The following SART1 variants were observed in gnomAD, a reference collection of about 807,000 sequenced individuals.
SART1 encodes spliceosome associated factor 1, recruiter of U4/U6.U5 tri-snRNP, also known as U4/U6.U5 tri-snRNP-associated protein 1.
In SART1, 28 loss-of-function variants were observed where a neutral mutation model predicts 105.0. The ratio of observed to expected loss-of-function variants is 0.27; its 90% CI spans 0.20 to 0.37. SART1 has a LOEUF of 0.37. SART1 is among the 10% of genes least tolerant of loss of function. SART1 has a pLI of 1.00. For synonymous variants in SART1, 472 were observed against 462.9 expected (o/e 1.02, Z -0.25); for missense variants, 894 against 1,106.5 (o/e 0.81, Z 2.72).
intron 12 of SART1, among the ~76,000 whole-genome samples, chr11:65,973,322 GACAAA>G (rs1855419432): frequency 6.6e-6 from 1 of 151,680 alleles, no homozygotes; most frequent in South Asian, 2.1e-4. Flanking sequence ...TATACAAACA[GACAAA>G]ACAAATCAAC....
At chr11:65,974,450 G>C (rs1023419893) in intron 12 of SART1, among the ~76,000 whole-genome samples, 4 of 151,764 alleles carry the variant, frequency 2.6e-5, no homozygotes, top group African/African-American at 9.7e-5. Flanking sequence ...GGAGGCTGAG[G>C]TGAGTGGATC....
At chr11:65,967,200 C>T (rs1444478567) in intron 9 of SART1, 59 bp from the exon 10 acceptor site, 4 of 1,593,618 alleles carry the variant, frequency 2.5e-6, no homozygotes, top group African/African-American at 1.3e-5. Context: ...CCCTCGAGGG[C>T]TTGTGGCGAC....
chr11:65,969,594 C>A (rs1157641161), intron 12 of SART1, among the ~76,000 whole-genome samples: 2 of 152,120 alleles, frequency 1.3e-5, no homozygotes, highest in East Asian at 3.9e-4. Context: ...AGACTACAGG[C>A]GTGCGCCTGT....
At chr11:65,962,126 C>CCGGGGGGGGGGGGGGGGTG in intron 1 of SART1, 33 bp downstream of exon 1, 1 of 25,830 alleles carries the variant, frequency 3.9e-5, no homozygotes, top group Non-Finnish European at 6.4e-5. Flanking sequence ...GGGGGCGGGT[C>CCGGGGGGGGGGGGGGGGTG]GGGCGGGGGT....
At chr11:65,964,435 T>G (rs1243354523) in intron 2 of SART1, 80 bp from the exon 3 acceptor site, 1 of 1,538,456 alleles carries the variant, frequency 6.5e-7, no homozygotes, top group Admixed American at 1.7e-5. Context: ...CCCACCCTGT[T>G]TCTCCTCTTG....
chr11:65,962,405 G>A (rs1005354459), intron 1 of SART1, among the ~76,000 whole-genome samples: 1 of 152,182 alleles, frequency 6.6e-6, no homozygotes, highest in Admixed American at 6.5e-5. Flanking sequence ...AGGACAGAGG[G>A]CTTCTGTTTT....
intron 3 of SART1, 101 bp from the exon 4 acceptor site, chr11:65,964,991 C>G: frequency 2.1e-6 from 3 of 1,427,144 alleles, no homozygotes; most frequent in South Asian, 3.0e-5. Context: ...TGTCCTGACC[C>G]CTTCTGGCCC....
rs1041177791 is a variant in SART1 at position 65,965,943 on chromosome 11, C to T, written c.795C>T (p.Ser265=). Residue 265 remains serine, a synonymous_variant, in exon 7 of 20, where the codon TCC becomes TCT. Transcript: ENST00000312397. ...QGLTVEHAID[S]FREGETMILT... is the part of the protein sequence containing the mutation. ...TCACCGTGGAGCATGCCATTGATTC[C>T]TTCCGAGAAGGGGAGACAATGATTC... 1.9e-6 allele frequency: 3 copies of T among 1,614,010 alleles called. No individual in the cohort carries two copies. Among genetic ancestry groups the T allele is most frequent in the Non-Finnish European group, 1.7e-6 (2 of 1,180,046 alleles).
In SART1 at chr11:65,974,391, AC is replaced by A. The variant is rs1195935662; in HGVS notation, c.1573-2002del. Among the ~76,000 whole-genome samples, 63 of 146,138 alleles carry A rather than the reference AC, an allele frequency of 4.3e-4. 6 individuals are homozygous for A. Among genetic ancestry groups the A allele is most frequent in the Middle Eastern group, 3.4e-3 (1 of 294 alleles). On this transcript the variant is annotated intron_variant, in intron 12 of 19. Coordinates refer to ENST00000312397, the MANE Select transcript of SART1 (RefSeq NM_005146.5). ...TGTCTCAAAAAAAAAAAAAAAAAAA[AC>A]CATATCAGCCGGGTGTGGTGGTTCA...
chr11:65,963,607 G>A (rs530668857), intron 1 of SART1, among the ~76,000 whole-genome samples: 33 of 152,060 alleles, frequency 2.2e-4, no homozygotes, highest in Middle Eastern at 3.4e-3. Flanking sequence ...TCAGCCTCCC[G>A]AGTATCTGGG....
chr11:65,969,819 C>T (rs1855337985), intron 12 of SART1, among the ~76,000 whole-genome samples: 2 of 152,182 alleles, frequency 1.3e-5, no homozygotes, highest in African/African-American at 4.8e-5. Flanking sequence ...ATGTCCCGGG[C>T]TCAAGCAATT....
chr11:65,979,075 A>G lies in SART1; in HGVS notation c.*45A>G. ...CCCTGCCTCAACCTTCATATTAAAT[A>G]AAGCTCCCTCCTTATTTTTTCCTCC... On this transcript the variant is annotated 3_prime_UTR_variant, in exon 20 of 20. Coordinates refer to ENST00000312397, the MANE Select transcript of SART1 (RefSeq NM_005146.5). 1.2e-6 allele frequency: 2 copies of G among 1,613,128 alleles called. No individual in the cohort carries two copies. Among genetic ancestry groups the G allele is most frequent in the Non-Finnish European group, 1.7e-6 (2 of 1,179,180 alleles).
rs1428238152 is a variant in SART1 at position 65,978,103 on chromosome 11, A to AGTCTCTT, written c.2172+205_2172+211dup. On this transcript the variant is annotated intron_variant, in intron 17 of 19. Coordinates refer to ENST00000312397, the MANE Select transcript of SART1 (RefSeq NM_005146.5). The surrounding 1 kb of genome is among the most constrained non-coding windows in gnomAD (Gnocchi z 6.8). ...TCAGTTTGTCTCTAGTGGGCACAGC[A>AGTCTCTT]GTCTCTTTGCAAGCCTGGCAGGAGG... The AGTCTCTT allele has an allele frequency of 1.6e-6, 1 of 606,192 alleles. No homozygotes were observed. The allele number at this position is 606,192 out of a possible 1,614,324, so 37.6% of individuals were successfully genotyped here.
chr11:65,970,254 A>G (rs917088843), intron 12 of SART1, among the ~76,000 whole-genome samples: 1 of 152,168 alleles, frequency 6.6e-6, no homozygotes, highest in Non-Finnish European at 1.5e-5. Context: ...CTTCTCCCGC[A>G]TAGCCACACT....
In SART1 at chr11:65,978,483, C is replaced by A; in HGVS notation, c.2173-117C>A. The A allele has an allele frequency of 1.0e-6, 1 of 987,190 alleles. No homozygotes were observed. Among genetic ancestry groups the A allele is most frequent in the Non-Finnish European group, 1.5e-6 (1 of 647,280 alleles). 61.2% of individuals were successfully genotyped at this position (987,190 alleles called of 1,614,324 possible). A position where few individuals can be genotyped will look rare whatever the true frequency, so the allele number is the denominator to read the frequency against. Reference sequence around the variant, plus strand: ...TTTTCCCATCCCCTTCCCACTGCACCCCAGGCCTGGCATTGGGGTCAATCA... The same window carrying A: ...TTTTCCCATCCCCTTCCCACTGCACACCAGGCCTGGCATTGGGGTCAATCA... On this transcript the variant is annotated intron_variant, in intron 17 of 19. Transcript: ENST00000312397. This position sits in a 1 kb window ranked among gnomAD's most constrained non-coding sequence, Gnocchi z 6.8.
At position 65,977,914 on chromosome 11, in the gene SART1, T is replaced by C. The variant is rs1855517162; in HGVS notation, c.2172+15T>C. 6.3e-7 allele frequency: 1 copy of C among 1,593,888 alleles called. No individual in the cohort carries two copies. Among genetic ancestry groups the C allele is most frequent in the Admixed American group, 1.8e-5 (1 of 54,676 alleles). ...CACCCAAGGAGGTGAGCAGGGCCTT[T>C]TGCAGGCGGAGGCCCGGCCTGCCAC... On this transcript the variant is annotated intron_variant, in intron 17 of 19. Transcript: ENST00000312397.
rs1195028837 is a variant in SART1 at position 65,966,073 on chromosome 11, C to T, written c.839-3C>T. ...AATGGCCACTGCTCTGTGCTGCCCC[C>T]AGGCGTGCTGCAGGAGGAGGAGGAC... is the stretch of plus-strand genomic sequence containing the variant. On this transcript the variant is annotated splice_region_variant and splice_polypyrimidine_tract_variant and intron_variant, in intron 7 of 19. Coordinates refer to ENST00000312397, the MANE Select transcript of SART1 (RefSeq NM_005146.5). The T allele has an allele frequency of 6.2e-7, 1 of 1,613,896 alleles. No individual in the cohort carries two copies. Among genetic ancestry groups the T allele is most frequent in the African/African-American group, 1.3e-5 (1 of 75,054 alleles).
chr11:65,977,058 G>A lies in SART1; in HGVS notation c.1902G>A (p.Val634=). The stretch of plus-strand genomic sequence containing the variant: ...CCATCCTGGACGAGGAACCGATCGT[G>A]AATAGGGGGCTGGCAGCTGCCCTGC... ...STTILDEEPI[V]NRGLAAALLL... is the part of the protein sequence containing the mutation. Residue 634 remains valine (V), a synonymous_variant, in exon 15 of 20, where the codon GTG becomes GTA. Transcript: ENST00000312397. The A allele has an allele frequency of 6.2e-7, 1 of 1,614,102 alleles. No individual in the cohort carries two copies. The highest frequency in any genetic ancestry group is 8.5e-7 in the Non-Finnish European group (1 of 1,179,984).
chr11:65,976,884 A>C lies in SART1; in HGVS notation c.1857+118A>C. 8.9e-7 allele frequency: 1 copy of C among 1,120,954 alleles called. No homozygotes were observed. Among genetic ancestry groups the C allele is most frequent in the Non-Finnish European group, 1.3e-6 (1 of 763,052 alleles). 69.4% of individuals were successfully genotyped at this position (1,120,954 alleles called of 1,614,324 possible). A position where few individuals can be genotyped will look rare whatever the true frequency, so the allele number is the denominator to read the frequency against. Reference sequence around the variant, plus strand: ...CCAGAGTGGGCTCTGCAGACCTCCCAGGGCGATCTGAGGAGTAAATGAGGA... The same window carrying C: ...CCAGAGTGGGCTCTGCAGACCTCCCCGGGCGATCTGAGGAGTAAATGAGGA... On this transcript the variant is annotated intron_variant, in intron 14 of 19. Transcript: ENST00000312397. The surrounding 1 kb of genome is among the most constrained non-coding windows in gnomAD (Gnocchi z 5.1).
Sources: gnomAD v4.1 joint callset for allele counts (sites outside exome capture counted in the v4.1 genomes callset) on GRCh38, gnomAD v4.1.1 for gene constraint, Gnocchi (gnomAD v3.1) non-coding constraint, MANE v1.5 for transcripts, NCBI Gene and HGNC (gene_info 2026-07-23, HGNC 2026-07-21) for gene names.